Variants in KLHL24 observed in about 807,000 individuals in gnomAD.
KLHL24 encodes kelch like family member 24, also known as kelch-like protein 24.
A neutral mutation model predicts 53.4 loss-of-function variants in KLHL24; 29 were observed. The ratio of observed to expected loss-of-function variants is 0.54; its 90% confidence interval spans 0.40 to 0.74. The LOEUF is 0.74. Ranked by LOEUF, KLHL24 falls within the 30% of genes least tolerant of loss-of-function variation. The pLI is 0.00. For synonymous variants in KLHL24, 222 were observed against 253.7 expected (o/e 0.88, Z 1.19); for missense variants, 504 against 744.0 (o/e 0.68, Z 3.75).
At chr3:183,674,965 T>C (rs1711583657) in intron 7 of KLHL24, among the ~76,000 whole-genome samples, 1 of 152,198 alleles carries the variant, frequency 6.6e-6, no homozygotes, top group Admixed American at 6.5e-5. Context: ...AGAGTTTAAC[T>C]GGGGCAGAAT....
Position 183,680,182 on chromosome 3 carries a change from A to G in KLHL24, c.*896A>G, listed in dbSNP as rs1156547582. 6.6e-6 allele frequency: 1 copy of G among 152,232 alleles called. No homozygotes were observed. 9.4% of individuals were successfully genotyped at this position (152,232 alleles called of 1,614,324 possible). A position where few individuals can be genotyped will look rare whatever the true frequency, so the allele number is the denominator to read the frequency against. The stretch of plus-strand genomic sequence containing the variant: ...GAGACTCACACCTGTACTCCCAACT[A>G]CTCAGCAGGCTGGGGCAGGAGGATT... On this transcript the variant is annotated 3_prime_UTR_variant, in exon 8 of 8. Transcript: ENST00000242810.
At position 183,681,075 on chromosome 3, in the gene KLHL24, T is replaced by C. The variant is rs1306216389; in HGVS notation, c.*1789T>C. ...AAAAATTTTTAGGGAATTTTTATTT[T>C]TCAAATCATAATTTTAAAATGATAG... On this transcript the variant is annotated 3_prime_UTR_variant, in exon 8 of 8. Transcript: ENST00000242810. 1 of 152,194 alleles carries C rather than the reference T, an allele frequency of 6.6e-6. No individual in the cohort carries two copies. The highest frequency in any genetic ancestry group is 1.5e-5 in the Non-Finnish European group (1 of 68,000). The allele number at this position is 152,194 out of a possible 1,614,324, so 9.4% of individuals were successfully genotyped here. A position where few individuals can be genotyped will look rare whatever the true frequency, so the allele number is the denominator to read the frequency against.
intron 3 of KLHL24, among the ~76,000 whole-genome samples, chr3:183,657,553 G>A (rs1719086977): frequency 6.6e-6 from 1 of 152,190 alleles, no homozygotes; most frequent in Non-Finnish European, 1.5e-5. Context: ...AATGGTGTTT[G>A]TCATTATTTA....
intron 3 of KLHL24, among the ~76,000 whole-genome samples, chr3:183,658,035 A>G (rs969364722): frequency 7.9e-5 from 12 of 152,192 alleles, no homozygotes; most frequent in Admixed American, 5.9e-4. Flanking sequence ...CAACATGGTG[A>G]AACCCCGTCT....
intron 1 of KLHL24, among the ~76,000 whole-genome samples, chr3:183,639,351 C>A (rs900806346): frequency 6.6e-5 from 10 of 152,248 alleles, no homozygotes; most frequent in African/African-American, 2.4e-4. Flanking sequence ...AAATTTGTGG[C>A]CGGGCGCGGT....
chr3:183,647,266 G>T (rs1214795412), intron 2 of KLHL24, among the ~76,000 whole-genome samples: 1 of 150,306 alleles, frequency 6.7e-6, no homozygotes, highest in Admixed American at 6.6e-5. Flanking sequence ...GAATATAAAA[G>T]TTAGCTGGGT....
At chr3:183,672,270 A>T in intron 6 of KLHL24, 26 bp from the exon 7 acceptor site, 1 of 1,269,498 alleles carries the variant, frequency 7.9e-7, no homozygotes, top group South Asian at 1.9e-5. Flanking sequence ...TAGAAATTTT[A>T]ATTATATATT....
intron 2 of KLHL24, among the ~76,000 whole-genome samples, chr3:183,645,913 A>G (rs534174594): frequency 6.6e-6 from 1 of 152,244 alleles, no homozygotes; most frequent in East Asian, 1.9e-4. Context: ...GTTTATCTTT[A>G]CTTTTATATG....
rs1159918071 is a variant in KLHL24, at chr3:183,650,008, T to G, written c.-61-288T>G. ...TACAGTCAATAGTATGAAACTCAGC[T>G]CTGTAAATGGGGAGGAAACGGAAGG... On this transcript the variant is annotated intron_variant, in intron 2 of 7. Transcript: ENST00000242810. This position sits in a 1 kb window ranked among gnomAD's most constrained non-coding sequence, Gnocchi z 4.5. 2.6e-5 allele frequency among the ~76,000 whole-genome samples: 4 copies of G among 152,160 alleles called. No individual in the cohort carries two copies.
intron 1 of KLHL24, among the ~76,000 whole-genome samples, chr3:183,640,693 G>GGT (rs1469072343): frequency 6.7e-6 from 1 of 150,146 alleles, no homozygotes; most frequent in Admixed American, 6.7e-5. Context: ...TCCGCCTCCT[G>GGT]GGTTCAAGCA....
intron 1 of KLHL24, among the ~76,000 whole-genome samples, chr3:183,637,666 G>C (rs1392276802): frequency 1.3e-5 from 2 of 152,138 alleles, no homozygotes; most frequent in Non-Finnish European, 2.9e-5. Context: ...TTGAGACAGG[G>C]TCTCACATTC....
chr3:183,676,175 A>G (rs1711816641), intron 7 of KLHL24, among the ~76,000 whole-genome samples: 1 of 152,190 alleles, frequency 6.6e-6, no homozygotes, highest in African/African-American at 2.4e-5. Flanking sequence ...GGCTCACTGC[A>G]ACCTCCGCCT....
At chr3:183,655,948 TAAAATTTTAAAAATTGACATTCTGCA>T (rs1361848685) in intron 3 of KLHL24, among the ~76,000 whole-genome samples, 1 of 151,274 alleles carries the variant, frequency 6.6e-6, no homozygotes, top group Admixed American at 6.6e-5. Flanking sequence ...TATTATTAAT[TAAAATTTTAAAAATTGACATTCTGCA>T]AAAATGCTGA....
intron 1 of KLHL24, among the ~76,000 whole-genome samples, chr3:183,641,932 C>G (rs1308154752): frequency 6.6e-6 from 1 of 152,172 alleles, no homozygotes; most frequent in East Asian, 1.9e-4. Flanking sequence ...ACCTAAAAAT[C>G]CATAGAAAAT....
Position 183,667,653 on chromosome 3 carries a change from C to T in KLHL24, c.1224+2614C>T, listed in dbSNP as rs183814232. 9.9e-5 allele frequency among the ~76,000 whole-genome samples: 15 copies of T among 152,220 alleles called. No homozygotes were observed. In the East Asian group the frequency reaches 2.1e-3, roughly 22 times the overall value. ...GTGGGAAAATTGTCTTCCATTAAAC[C>T]GCTCCCTGGTGCCAAAAAGGTTGGG... On this transcript the variant is annotated intron_variant, in intron 5 of 7. Coordinates refer to ENST00000242810, the MANE Select transcript of KLHL24 (RefSeq NM_017644.3).
intron 2 of KLHL24, among the ~76,000 whole-genome samples, chr3:183,647,696 C>T (rs13100975): frequency 0.34 from 50,870 of 151,774 alleles, 9,375 homozygotes; most frequent in African/African-American, 0.49. Context: ...GGCAACAGAG[C>T]ATCTGAAACA....
rs776368753 is a variant in KLHL24, at chr3:183,663,549, G to A, written c.1012G>A (p.Val338Ile). The change falls in exon 4 of 8, where the codon GTA (valine) becomes ATA (isoleucine). Residue 338 changes from valine (V) to isoleucine (I), a missense_variant. Transcript: ENST00000242810. The surrounding 1 kb of genome is among the most constrained non-coding windows in gnomAD (Gnocchi z 4.9). ...NLPYTECYDP[V>I]TGEWKSLAKL... ...TCCATACACTGAGTGCTACGATCCT[G>A]TAACAGGAGAATGGAAGTCTTTGGC... 6.2e-7 allele frequency: 1 copy of A among 1,609,586 alleles called. No individual in the cohort carries two copies. The highest frequency in any genetic ancestry group is 8.5e-7 in the Non-Finnish European group (1 of 1,177,244).
In KLHL24 at chr3:183,637,465, T is replaced by C. The variant is rs1468347078; in HGVS notation, c.-125+1672T>C. ...TAATTCAAAATGTTTGAGAAGTGGGTTGCGACTGTGTCGTTTTAAAATTGT... is the reference window on the plus strand; with the variant it reads ...TAATTCAAAATGTTTGAGAAGTGGGCTGCGACTGTGTCGTTTTAAAATTGT... On this transcript the variant is annotated intron_variant, in intron 1 of 7. Coordinates refer to ENST00000242810, the MANE Select transcript of KLHL24 (RefSeq NM_017644.3). Among the ~76,000 whole-genome samples, 3 of 152,218 alleles carry C rather than the reference T, an allele frequency of 2.0e-5. No individual in the cohort carries two copies. In the East Asian group the frequency reaches 5.8e-4, roughly 29 times the overall value.
At chr3:183,649,458 G>A (rs1285202321) in intron 2 of KLHL24, among the ~76,000 whole-genome samples, 1 of 146,082 alleles carries the variant, frequency 6.8e-6, no homozygotes, top group Non-Finnish European at 1.5e-5. Flanking sequence ...TATCAATACA[G>A]CATTGGACAT....
Sources: gnomAD v4.1 joint callset for allele counts (sites outside exome capture counted in the v4.1 genomes callset) on GRCh38, gnomAD v4.1.1 for gene constraint, Gnocchi (gnomAD v3.1) non-coding constraint, MANE v1.5 for transcripts, NCBI Gene and HGNC (gene_info 2026-07-23, HGNC 2026-07-21) for gene names.